PMM2: variants seen among roughly 807,000 people sequenced by gnomAD.
The protein encoded by PMM2 is phosphomannomutase 2.
Under a neutral mutation model 33.2 loss-of-function variants are expected in PMM2, and 35 were observed. The ratio of observed to expected loss-of-function variants is 1.06; its 90% CI spans 0.81 to 1.40. The LOEUF (loss-of-function observed/expected upper bound fraction) is 1.40. Among genes scored for constraint, PMM2 ranks in the 40% most tolerant of loss-of-function variants. PMM2 has a pLI of 0.00. For missense variants in PMM2, 386 were observed against 306.0 expected (o/e 1.26, Z -1.95); for synonymous variants, 153 against 114.7 (o/e 1.33, Z -2.13).
chr16:8,847,432 C>A (rs1214860108), intron 7 of PMM2, among the ~76,000 whole-genome samples: 1 of 147,692 alleles, frequency 6.8e-6, no homozygotes, highest in Non-Finnish European at 1.5e-5. Flanking sequence ...CTGATGCCTT[C>A]TGTGTAGAAA....
intron 7 of PMM2, among the ~76,000 whole-genome samples, chr16:8,815,521 G>A (rs553957898): frequency 7.2e-5 from 11 of 152,234 alleles, no homozygotes; most frequent in East Asian, 5.8e-4. Flanking sequence ...GTGAGCCAGC[G>A]TGCCCGGTCA....
chr16:8,802,031 T>C (rs779335189), intron 2 of PMM2, 121 bp downstream of exon 2: 3 of 710,458 alleles, frequency 4.2e-6, no homozygotes, highest in South Asian at 3.0e-5. Context: ...CTGCTTCCTT[T>C]TTTGGGAAAC....
intron 7 of PMM2, among the ~76,000 whole-genome samples, chr16:8,814,612 A>G (rs2060695929): frequency 6.6e-6 from 1 of 152,246 alleles, no homozygotes; most frequent in African/African-American, 2.4e-5. Flanking sequence ...ACTGAAACCC[A>G]TAAAGGGTAA....
chr16:8,802,701 G>T (rs1302933712), intron 2 of PMM2, among the ~76,000 whole-genome samples: 3 of 151,882 alleles, frequency 2.0e-5, no homozygotes, highest in Non-Finnish European at 4.4e-5. Flanking sequence ...GTGATGACGG[G>T]CACCTGTAAT....
chr16:8,802,204 C>A, intron 2 of PMM2: 1 of 466,368 alleles, frequency 2.1e-6, no homozygotes, highest in Non-Finnish European at 4.3e-6. Context: ...TTGCTTGTAC[C>A]CGTTGACAGC....
chr16:8,829,755 G>A (rs919885499), intron 7 of PMM2, among the ~76,000 whole-genome samples: 2 of 152,230 alleles, frequency 1.3e-5, no homozygotes, highest in African/African-American at 2.4e-5. Context: ...AGGGTTCAGT[G>A]AATGTGACCA....
chr16:8,804,192 CCAT>C (rs2060633703), intron 2 of PMM2, among the ~76,000 whole-genome samples: 1 of 151,420 alleles, frequency 6.6e-6, no homozygotes, highest in Admixed American at 6.6e-5. Context: ...GCGCACACCA[CCAT>C]GCCTGGCTAA....
intron 1 of PMM2, among the ~76,000 whole-genome samples, chr16:8,800,122 G>A (rs1322192808): frequency 6.6e-6 from 1 of 152,148 alleles, no homozygotes; most frequent in Non-Finnish European, 1.5e-5. Context: ...ACTTGGGGAG[G>A]CTGAGGCGGG....
At chr16:8,827,906 T>TTA in intron 7 of PMM2, among the ~76,000 whole-genome samples, 1 of 114,452 alleles carries the variant, frequency 8.7e-6, no homozygotes, top group Non-Finnish European at 1.7e-5. Flanking sequence ...ATGATATATA[T>TTA]TATATATATT....
chr16:8,802,527 T>C (rs1322689262), intron 2 of PMM2: 4 of 263,102 alleles, frequency 1.5e-5, no homozygotes, highest in Non-Finnish European at 3.0e-5. Context: ...CCTCCTGGCC[T>C]GTAAGAAATT....
At chr16:8,821,611 C>A (rs1488209442) in intron 7 of PMM2, among the ~76,000 whole-genome samples, 1 of 152,212 alleles carries the variant, frequency 6.6e-6, no homozygotes, top group Non-Finnish European at 1.5e-5. Context: ...AGAGCTGTCT[C>A]CTCTGCCCTT....
At chr16:8,835,879 G>GA in intron 7 of PMM2, among the ~76,000 whole-genome samples, 1 of 151,836 alleles carries the variant, frequency 6.6e-6, no homozygotes, top group Non-Finnish European at 1.5e-5. Context: ...AAGGTTGGGG[G>GA]ATACAAGAGG....
At chr16:8,804,040 T>TTTTGGG (rs2060632595) in intron 2 of PMM2, among the ~76,000 whole-genome samples, 1 of 70,302 alleles carries the variant, frequency 1.4e-5, no homozygotes, top group South Asian at 7.9e-4. Context: ...TGTTTTTTTT[T>TTTTGGG]TTTTTTTTTT....
rs1172793826 is a variant in PMM2, at chr16:8,843,310, C to T, written c.640-4414C>T. 2.0e-5 allele frequency among the ~76,000 whole-genome samples: 3 copies of T among 152,198 alleles called. No individual in the cohort carries two copies. In the East Asian group the frequency reaches 5.8e-4, roughly 29 times the overall value. On this transcript the variant is annotated intron_variant, in intron 7 of 7. Transcript: ENST00000268261. ...TGAGAGTTACCCAAAGCTTGGCGTC[C>T]GTGATGGTCTGGGGGCTTCCAAGGC... is the stretch of plus-strand genomic sequence containing the variant.
intron 7 of PMM2, among the ~76,000 whole-genome samples, chr16:8,847,089 C>T (rs988960231): frequency 6.6e-6 from 1 of 152,104 alleles, no homozygotes; most frequent in Non-Finnish European, 1.5e-5. Flanking sequence ...GTCTCAAATT[C>T]CTGACCTCAA....
At position 8,804,996 on chromosome 16, in the gene PMM2, A is replaced by G. The variant is rs79544149; in HGVS notation, c.255+153A>G. ...TTGCATTTTGAACCATGTGACTATTACATATTCTACATTGATAACTAAATT... is the reference window on the plus strand; with the variant it reads ...TTGCATTTTGAACCATGTGACTATTGCATATTCTACATTGATAACTAAATT... On this transcript the variant is annotated intron_variant, in intron 3 of 7. Coordinates refer to ENST00000268261, the MANE Select transcript of PMM2 (RefSeq NM_000303.3). 7.3e-3 allele frequency among the ~76,000 whole-genome samples: 1,108 copies of G among 152,330 alleles called. 26 individuals are homozygous for G. Among genetic ancestry groups the G allele is most frequent in the African/African-American group, 0.026 (1,062 of 41,574 alleles).
intron 7 of PMM2, among the ~76,000 whole-genome samples, chr16:8,846,637 C>A (rs920375555): frequency 6.6e-6 from 1 of 152,154 alleles, no homozygotes; most frequent in African/African-American, 2.4e-5. Context: ...CCCTTGCAGA[C>A]TTTCTGAGGC....
intron 7 of PMM2, among the ~76,000 whole-genome samples, chr16:8,817,913 T>TTG (rs1421030898): frequency 6.6e-6 from 1 of 151,390 alleles, no homozygotes; most frequent in Admixed American, 6.6e-5. Flanking sequence ...AAGATTTTTT[T>TTG]TTTTTTTTGA....
chr16:8,845,101 T>G (rs2060916547), intron 7 of PMM2, among the ~76,000 whole-genome samples: 1 of 152,202 alleles, frequency 6.6e-6, no homozygotes. Context: ...TTCACCTGGG[T>G]GCAGGCGGGC....
Sources: gnomAD v4.1 joint callset for allele counts (sites outside exome capture counted in the v4.1 genomes callset) on GRCh38, gnomAD v4.1.1 for gene constraint, MANE v1.5 for transcripts, NCBI Gene and HGNC (gene_info 2026-07-23, HGNC 2026-07-21) for gene names.